The following LNX1 variants were observed in gnomAD, a reference collection of about 807,000 sequenced individuals.
LNX1 encodes E3 ubiquitin-protein ligase LNX.
LNX1 carries 54 observed loss-of-function variants against 68.4 expected under a neutral mutation model. The ratio of observed to expected loss-of-function variants is 0.79; its 90% CI spans 0.63 to 0.99. The LOEUF is 0.99. Ranked by LOEUF, LNX1 falls within the 50% of genes least tolerant of loss-of-function variation. LNX1 has a pLI of 0.00. For missense variants in LNX1, 906 were observed against 926.4 expected (o/e 0.98, Z 0.29); for synonymous variants, 336 against 350.0 (o/e 0.96, Z 0.45).
At chr4:53,526,326 C>A (rs940133743) in intron 2 of LNX1, among the ~76,000 whole-genome samples, 10 of 152,180 alleles carry the variant, frequency 6.6e-5, no homozygotes, top group Non-Finnish European at 1.5e-4. Context: ...TGAGACACAA[C>A]AGCTACTTCT....
chr4:53,496,131 G>A lies in LNX1; in HGVS notation c.1242C>T (p.Gly414=), dbSNP rs1423276003. 13 of 1,613,938 alleles carry A rather than the reference G, an allele frequency of 8.1e-6. No homozygotes were observed. Among genetic ancestry groups the A allele is most frequent in the African/African-American group, 1.3e-5 (1 of 74,888 alleles). Residue 414 remains glycine, a synonymous_variant, in exon 6 of 11, where the codon GGC becomes GGT. Coordinates refer to ENST00000263925, the MANE Select transcript of LNX1 (RefSeq NM_001126328.3). ...PGVFIFNVLD[G]GVAYRHGQLE... ...GCTGACCATGTCGATATGCCACACC[G>A]CCATCCAGCACATTGAAGATGAAAA...
At chr4:53,495,208 T>C (rs530614926) in intron 6 of LNX1, among the ~76,000 whole-genome samples, 4 of 152,306 alleles carry the variant, frequency 2.6e-5, no homozygotes, top group African/African-American at 9.6e-5. Context: ...TAATTGATAA[T>C]TATCTCAAAA....
At chr4:53,636,518 C>T (rs1038954312) in intron 1 of LNX1, among the ~76,000 whole-genome samples, 2 of 152,114 alleles carry the variant, frequency 1.3e-5, no homozygotes, top group Non-Finnish European at 2.9e-5. Context: ...ATCATTTCAC[C>T]TTCAAGTATC....
intron 9 of LNX1, among the ~76,000 whole-genome samples, chr4:53,470,076 A>C (rs1460755856): frequency 6.6e-6 from 1 of 152,178 alleles, no homozygotes; most frequent in African/African-American, 2.4e-5. Context: ...GATGAACACC[A>C]ATGCAAAAAT....
intron 1 of LNX1, among the ~76,000 whole-genome samples, chr4:53,630,442 A>T (rs928925844): frequency 3.7e-4 from 56 of 152,114 alleles, no homozygotes; most frequent in African/African-American, 1.3e-3. Flanking sequence ...TTCAGCCCTC[A>T]TACTGGATGT....
chr4:53,505,984 G>A (rs756715156), intron 4 of LNX1, among the ~76,000 whole-genome samples: 39 of 152,318 alleles, frequency 2.6e-4, no homozygotes, highest in African/African-American at 5.3e-4. Flanking sequence ...CAGCATGTAC[G>A]TGCAGGGTGA....
intron 1 of LNX1, among the ~76,000 whole-genome samples, chr4:53,649,045 A>C (rs1206261563): frequency 6.6e-6 from 1 of 152,236 alleles, no homozygotes; most frequent in East Asian, 1.9e-4. Context: ...TGGTGCCTGT[A>C]ACCCAAAATA....
intron 1 of LNX1, among the ~76,000 whole-genome samples, chr4:53,584,033 A>G (rs1198193526): frequency 6.6e-6 from 1 of 152,202 alleles, no homozygotes; most frequent in Non-Finnish European, 1.5e-5. Context: ...GCTAGGAGTC[A>G]CCAAGGATCC....
chr4:53,556,870 A>T (rs1236715800), intron 2 of LNX1, among the ~76,000 whole-genome samples: 1 of 152,226 alleles, frequency 6.6e-6, no homozygotes, highest in Non-Finnish European at 1.5e-5. Flanking sequence ...GTGACCAGAC[A>T]AGCTTTTCTG....
At position 53,551,387 on chromosome 4, in the gene LNX1, T is replaced by C. The variant is rs190541251; in HGVS notation, c.380+22236A>G. On this transcript the variant is annotated intron_variant, in intron 2 of 10. Transcript: ENST00000263925. Reference sequence around the variant, plus strand: ...CAGGGCCAGGCAGTTTCCCAATAAATAGAAAACACCTGAAACTGGTGATCA... The same window carrying C: ...CAGGGCCAGGCAGTTTCCCAATAAACAGAAAACACCTGAAACTGGTGATCA... 4.6e-5 allele frequency among the ~76,000 whole-genome samples: 7 copies of C among 152,200 alleles called. No individual in the cohort carries two copies. The East Asian group carries it at 1.4e-3, about 29-fold the overall frequency.
At chr4:53,576,890 C>T in intron 1 of LNX1, among the ~76,000 whole-genome samples, 1 of 152,234 alleles carries the variant, frequency 6.6e-6, no homozygotes, top group African/African-American at 2.4e-5. Context: ...ACATTGACTT[C>T]AGGCTTTCAT....
chr4:53,535,586 C>T (rs1435220), intron 2 of LNX1, among the ~76,000 whole-genome samples: 124,328 of 152,150 alleles, frequency 0.82, 51,101 homozygotes, highest in Admixed American at 0.86. Context: ...GCATTAATGT[C>T]CTCAGAGGTA....
intron 6 of LNX1, among the ~76,000 whole-genome samples, chr4:53,482,205 C>CTTT (rs1723961954): frequency 6.6e-6 from 1 of 152,180 alleles, no homozygotes; most frequent in African/African-American, 2.4e-5. Context: ...GAATTAGGTG[C>CTTT]ACTGTGTAAA....
At chr4:53,494,696 G>A (rs1400024583) in intron 6 of LNX1, among the ~76,000 whole-genome samples, 4 of 152,346 alleles carry the variant, frequency 2.6e-5, no homozygotes, top group Non-Finnish European at 4.4e-5. Context: ...AATCTAAGTG[G>A]TCCTCCCTCC....
rs1721775526 is a variant in LNX1 at position 53,460,506 on chromosome 4, C to T, written c.*401G>A. 1 of 202,120 alleles carries T rather than the reference C, an allele frequency of 4.9e-6. No individual in the cohort carries two copies. The highest frequency in any genetic ancestry group is 1.0e-5 in the Non-Finnish European group (1 of 99,010). The allele number at this position is 202,120 out of a possible 1,614,324, so 12.5% of individuals were successfully genotyped here. A position where few individuals can be genotyped will look rare whatever the true frequency, so the allele number is the denominator to read the frequency against. On this transcript the variant is annotated 3_prime_UTR_variant, in exon 11 of 11. Coordinates refer to ENST00000263925, the MANE Select transcript of LNX1 (RefSeq NM_001126328.3). ...GTTTGATGAAAGCAACGTTTCTCAG[C>T]AATGCATTTTAAAAAATATTTTAGC...
intron 2 of LNX1, chr4:53,539,103 C>G (rs1157225151): frequency 6.6e-6 from 1 of 152,116 alleles, no homozygotes; most frequent in African/African-American, 2.4e-5. Flanking sequence ...GTTAAATTTC[C>G]TGGATAAAAT....
chr4:53,520,879 T>C (rs944927454), intron 2 of LNX1, among the ~76,000 whole-genome samples: 1 of 152,168 alleles, frequency 6.6e-6, no homozygotes, highest in African/African-American at 2.4e-5. Context: ...GGAGAATCAC[T>C]TGAACCCGGG....
chr4:53,476,832 C>A lies in LNX1; in HGVS notation c.1813G>T (p.Ala605Ser). The stretch of plus-strand genomic sequence containing the variant: ...ATGTTGTGGTTGGAGTCCAGGGCTG[C>A]TGGGCTGCTGCAGTCTTCCTGGGGC... Reference protein sequence around the residue: ...YEPQEDCSSPAALDSNHNMAP... With the variant: ...YEPQEDCSSPSALDSNHNMAP... Residue 605 changes from alanine to serine, a missense_variant, in exon 9 of 11, where the codon GCA becomes TCA. By Grantham distance (99) the Ala-to-Ser change is moderately conservative (BLOSUM62 1). Coordinates refer to ENST00000263925, the MANE Select transcript of LNX1 (RefSeq NM_001126328.3). 1 of 1,614,180 alleles carries A rather than the reference C, an allele frequency of 6.2e-7. No homozygotes were observed.
intron 2 of LNX1, chr4:53,602,770 T>C (rs1733069962): frequency 6.6e-6 from 1 of 152,264 alleles, no homozygotes; most frequent in African/African-American, 2.4e-5. Flanking sequence ...ATCACCTGGA[T>C]TGGGCTCAGT....
Sources: allele counts gnomAD v4.1 joint callset (sites outside exome capture counted in the v4.1 genomes callset), GRCh38; gene constraint gnomAD v4.1.1; transcripts MANE v1.5; gene names NCBI Gene and HGNC (gene_info 2026-07-23, HGNC 2026-07-21).